SLC35F4: variants seen among roughly 807,000 people sequenced by gnomAD.
SLC35F4 encodes the protein chromosome 14 open reading frame 36.
A neutral mutation model predicts 44.2 loss-of-function variants in SLC35F4; 24 were observed. The ratio of observed to expected loss-of-function variants is 0.54; its 90% CI spans 0.39 to 0.76. The LOEUF is 0.76. SLC35F4 is among the 30% of genes least tolerant of loss of function. The probability of loss-of-function intolerance (pLI) is 0.00; values close to 1 mark genes in which losing one functional copy is unlikely to be tolerated. For synonymous variants in SLC35F4, 238 were observed against 223.6 expected (o/e 1.06, Z -0.57); for missense variants, 562 against 586.1 (o/e 0.96, Z 0.42).
chr14:57,700,543 T>A (rs1211796262), intron 1 of SLC35F4, among the ~76,000 whole-genome samples: 1 of 152,224 alleles, frequency 6.6e-6, no homozygotes, highest in Non-Finnish European at 1.5e-5. Flanking sequence ...TTTATAAATT[T>A]AAATTAAAAA....
chr14:57,956,120 C>T (rs1044369393), intron 1 of SLC35F4, among the ~76,000 whole-genome samples: 1 of 152,056 alleles, frequency 6.6e-6, no homozygotes, highest in Non-Finnish European at 1.5e-5. Context: ...AGAACAGAGG[C>T]CTCAGAAATA....
At chr14:57,973,367 C>T (rs993881029), downstream of SLC35F4, among the ~76,000 whole-genome samples, 1 of 152,176 alleles carries the variant, frequency 6.6e-6, no homozygotes, top group Non-Finnish European at 1.5e-5. Context: ...ACTAGGTTTC[C>T]TCGTCTCAAG....
chr14:57,667,082 G>C (rs1181353899), intron 1 of SLC35F4, among the ~76,000 whole-genome samples: 1 of 151,872 alleles, frequency 6.6e-6, no homozygotes, highest in South Asian at 2.1e-4. Flanking sequence ...GTACCTCCTA[G>C]GCAGACAGAG....
chr14:57,776,416 T>C (rs1440560994), intron 1 of SLC35F4, among the ~76,000 whole-genome samples: 1 of 152,146 alleles, frequency 6.6e-6, no homozygotes, highest in African/African-American at 2.4e-5. Flanking sequence ...ACACCTGTAA[T>C]CCCAGCACTT....
At chr14:57,914,345 C>T (rs969458900) in intron 1 of SLC35F4, among the ~76,000 whole-genome samples, 3 of 152,120 alleles carry the variant, frequency 2.0e-5, no homozygotes, top group East Asian at 1.9e-4. Context: ...GGCCAGATCA[C>T]AAGGTCAGGA....
chr14:57,818,749 C>T (rs1882870408), intron 1 of SLC35F4, among the ~76,000 whole-genome samples: 1 of 152,206 alleles, frequency 6.6e-6, no homozygotes, highest in African/African-American at 2.4e-5. Flanking sequence ...CATGAATGAA[C>T]TCTAGAATGG....
At chr14:57,792,489 G>A (rs2077947676) in intron 1 of SLC35F4, among the ~76,000 whole-genome samples, 1 of 152,076 alleles carries the variant, frequency 6.6e-6, no homozygotes, top group Non-Finnish European at 1.5e-5. Flanking sequence ...ATTTGCAACT[G>A]CAACAATATG....
intron 1 of SLC35F4, among the ~76,000 whole-genome samples, chr14:57,721,740 T>G (rs570497243): frequency 7.9e-5 from 12 of 152,056 alleles, no homozygotes; most frequent in Non-Finnish European, 1.3e-4. Flanking sequence ...GACACTGAGT[T>G]TATAAACTCT....
At chr14:57,689,054 A>T (rs1227459901) in intron 1 of SLC35F4, among the ~76,000 whole-genome samples, 2 of 152,140 alleles carry the variant, frequency 1.3e-5, no homozygotes, top group African/African-American at 4.8e-5. Context: ...AAATAAAAAC[A>T]CATCATCAAG....
At chr14:57,921,668 G>A (rs1477134192) in intron 1 of SLC35F4, among the ~76,000 whole-genome samples, 2 of 152,176 alleles carry the variant, frequency 1.3e-5, no homozygotes, top group African/African-American at 4.8e-5. Flanking sequence ...TCCTTGGCCT[G>A]CTGGCAGCCA....
chr14:57,927,754 G>T (rs966777406), intron 1 of SLC35F4, among the ~76,000 whole-genome samples: 1 of 152,036 alleles, frequency 6.6e-6, no homozygotes, highest in Non-Finnish European at 1.5e-5. Flanking sequence ...GCCTCCAAAA[G>T]TGCTGGGATT....
chr14:57,846,464 C>T (rs1437144655), intron 1 of SLC35F4, among the ~76,000 whole-genome samples: 4 of 152,114 alleles, frequency 2.6e-5, no homozygotes, highest in African/African-American at 7.2e-5. Flanking sequence ...AAATAACAGT[C>T]GTTTTTCCGA....
At chr14:57,865,646 C>G (rs1888098911) in intron 1 of SLC35F4, 77 bp downstream of exon 1, 2 of 1,258,846 alleles carry the variant, frequency 1.6e-6, no homozygotes, top group Non-Finnish European at 1.1e-6. Context: ...CGCGCCCGCC[C>G]GTCCGCATCC....
At chr14:57,617,726 G>A (rs1415813153) in intron 1 of SLC35F4, among the ~76,000 whole-genome samples, 1 of 152,154 alleles carries the variant, frequency 6.6e-6, no homozygotes, top group Admixed American at 6.5e-5. Flanking sequence ...CATGGCAGAG[G>A]CATTTAACCA....
chr14:57,688,301 T>A (rs1027420630), intron 1 of SLC35F4, among the ~76,000 whole-genome samples: 1 of 152,200 alleles, frequency 6.6e-6, no homozygotes, highest in Non-Finnish European at 1.5e-5. Flanking sequence ...GGACCTAATG[T>A]TTCCTTTGCA....
intron 1 of SLC35F4, among the ~76,000 whole-genome samples, chr14:57,657,573 G>T (rs73303885): frequency 6.6e-6 from 1 of 151,950 alleles, no homozygotes; most frequent in South Asian, 2.1e-4. Flanking sequence ...ATCCTGTGCC[G>T]GCCCTTGCTT....
At chr14:57,693,358 T>G (rs2075287464) in intron 1 of SLC35F4, among the ~76,000 whole-genome samples, 1 of 152,166 alleles carries the variant, frequency 6.6e-6, no homozygotes, top group African/African-American at 2.4e-5. Context: ...TACAGCACTG[T>G]GACATGTTCG....
intron 1 of SLC35F4, among the ~76,000 whole-genome samples, chr14:57,621,992 C>T (rs1451762458): frequency 6.6e-6 from 1 of 151,204 alleles, no homozygotes; most frequent in Non-Finnish European, 1.5e-5. Flanking sequence ...ACAACCCCAT[C>T]AAAAAGTGGG....
chr14:57,729,509 C>G (rs913419281), intron 1 of SLC35F4, among the ~76,000 whole-genome samples: 2 of 152,040 alleles, frequency 1.3e-5, no homozygotes, highest in African/African-American at 4.8e-5. Flanking sequence ...GCCAGTTAGC[C>G]CAGGATGTAT....
Sources: gnomAD v4.1 joint callset for allele counts (sites outside exome capture counted in the v4.1 genomes callset) on GRCh38, gnomAD v4.1.1 for gene constraint, MANE v1.5 for transcripts, NCBI Gene and HGNC (gene_info 2026-07-23, HGNC 2026-07-21) for gene names.